The following SOBP variants were observed in gnomAD, a reference collection of about 807,000 sequenced individuals.
SOBP encodes sine oculis binding protein homolog, also known as sine oculis-binding protein homolog.
In SOBP, 4 loss-of-function variants were observed where a neutral mutation model predicts 53.6. The observed-to-expected ratio is 0.07, with a 90% CI of 0.04 to 0.17. SOBP has a LOEUF of 0.17. Among genes scored for constraint, SOBP ranks in the 10% least tolerant of loss-of-function variants. The pLI is 1.00. For missense variants in SOBP, 1,088 were observed against 1,204.7 expected (o/e 0.90, Z 1.43); for synonymous variants, 584 against 522.6 (o/e 1.12, Z -1.60).
Position 107,511,273 on chromosome 6 carries a change from A to G in SOBP, c.421+4846A>G, listed in dbSNP as rs528166909. The G allele has an allele frequency of 5.3e-5, 8 of 152,330 alleles. No individual in the cohort carries two copies. In the South Asian group the frequency reaches 1.0e-3, roughly 20 times the overall value. The allele number at this position is 152,330 out of a possible 1,614,324, so 9.4% of individuals were successfully genotyped here. On this transcript the variant is annotated intron_variant, in intron 3 of 6. Transcript: ENST00000317357. Reference sequence around the variant, plus strand: ...TGTATCAGAATAATAATGCCTGTTAATATACTACTTCCAGATACCCCAATG... The same window carrying G: ...TGTATCAGAATAATAATGCCTGTTAGTATACTACTTCCAGATACCCCAATG...
At chr6:107,564,655 G>A (rs1174512859) in intron 4 of SOBP, among the ~76,000 whole-genome samples, 2 of 150,018 alleles carry the variant, frequency 1.3e-5, no homozygotes, top group African/African-American at 2.5e-5. Context: ...AACTGTCTGG[G>A]GGCACAAACC....
intron 1 of SOBP, among the ~76,000 whole-genome samples, chr6:107,494,146 C>A (rs564841345): frequency 2.0e-5 from 3 of 152,268 alleles, no homozygotes; most frequent in East Asian, 1.9e-4. Context: ...AATGTACTTA[C>A]AATTAGTCTG....
intron 4 of SOBP, among the ~76,000 whole-genome samples, chr6:107,554,644 A>G (rs1348642635): frequency 6.6e-6 from 1 of 152,206 alleles, no homozygotes; most frequent in Non-Finnish European, 1.5e-5. Context: ...ACCAATCTGC[A>G]GAAGTCTAGA....
intron 5 of SOBP, among the ~76,000 whole-genome samples, chr6:107,618,770 G>C (rs1024314698): frequency 4.6e-5 from 7 of 152,176 alleles, no homozygotes; most frequent in African/African-American, 1.7e-4. Flanking sequence ...GCAGCTGTGT[G>C]ACCTAAAATG....
At chr6:107,636,112 GT>G (rs1771029597) in intron 6 of SOBP, 2 of 164,104 alleles carry the variant, frequency 1.2e-5, no homozygotes, top group Admixed American at 5.6e-5. Context: ...CCTTCCTGCA[GT>G]TTGGCACCAA....
intron 5 of SOBP, among the ~76,000 whole-genome samples, chr6:107,627,368 C>G (rs1231002061): frequency 6.6e-6 from 1 of 152,218 alleles, no homozygotes; most frequent in Admixed American, 6.5e-5. Context: ...CCAAGCCCAT[C>G]TCTGCTCTGC....
intron 6 of SOBP, among the ~76,000 whole-genome samples, chr6:107,649,133 C>T (rs918212871): frequency 1.6e-4 from 18 of 114,602 alleles, no homozygotes; most frequent in Non-Finnish European, 2.3e-4. Context: ...GCCTGGGTGA[C>T]AGAGCAAGAC....
intron 5 of SOBP, among the ~76,000 whole-genome samples, chr6:107,589,789 T>C (rs1464623383): frequency 6.6e-6 from 1 of 152,206 alleles, no homozygotes; most frequent in Non-Finnish European, 1.5e-5. Context: ...TATGTCACAA[T>C]TCAGTGTGGC....
intron 6 of SOBP, among the ~76,000 whole-genome samples, chr6:107,648,108 G>A (rs1246350097): frequency 6.6e-6 from 1 of 152,150 alleles, no homozygotes; most frequent in Non-Finnish European, 1.5e-5. Flanking sequence ...CCTAAAATCT[G>A]CCGTTGACCC....
chr6:107,608,647 A>T lies in SOBP; in HGVS notation c.669+21472A>T, dbSNP rs551012768. Among the ~76,000 whole-genome samples, 5 of 152,328 alleles carry T rather than the reference A, an allele frequency of 3.3e-5. No homozygotes were observed. The South Asian group carries it at 8.3e-4, about 25-fold the overall frequency. ...CAGTGACCTGGCTGTAGAAATCGAC[A>T]TCTCTTTTAAAATGAAAGTTTCAAT... On this transcript the variant is annotated intron_variant, in intron 5 of 6. Coordinates refer to ENST00000317357, the MANE Select transcript of SOBP (RefSeq NM_018013.4).
chr6:107,638,783 C>A (rs1771177772), intron 6 of SOBP, among the ~76,000 whole-genome samples: 1 of 152,078 alleles, frequency 6.6e-6, no homozygotes, highest in Admixed American at 6.5e-5. Flanking sequence ...TATATTATTT[C>A]TCATATATAT....
At chr6:107,589,886 A>G (rs1186100082) in intron 5 of SOBP, among the ~76,000 whole-genome samples, 1 of 152,244 alleles carries the variant, frequency 6.6e-6, no homozygotes, top group Non-Finnish European at 1.5e-5. Flanking sequence ...TTTTGCTGGC[A>G]TATCTAAGTT....
At chr6:107,598,043 A>G (rs1786010948) in intron 5 of SOBP, among the ~76,000 whole-genome samples, 1 of 152,188 alleles carries the variant, frequency 6.6e-6, no homozygotes, top group African/African-American at 2.4e-5. Context: ...ATCGACATGC[A>G]TTTATTAGGT....
chr6:107,529,187 G>C (rs1160880639), intron 3 of SOBP, among the ~76,000 whole-genome samples: 1 of 152,182 alleles, frequency 6.6e-6, no homozygotes, highest in African/African-American at 2.4e-5. Flanking sequence ...AAAGTGTTTG[G>C]AATTGAATTA....
chr6:107,585,159 G>T (rs530195894), intron 4 of SOBP, among the ~76,000 whole-genome samples: 2 of 152,106 alleles, frequency 1.3e-5, no homozygotes, highest in African/African-American at 2.4e-5. Context: ...TACTATCCAC[G>T]TATGGGTTTT....
At position 107,598,596 on chromosome 6, in the gene SOBP, T is replaced by C. The variant is rs555245951; in HGVS notation, c.669+11421T>C. On this transcript the variant is annotated intron_variant, in intron 5 of 6. Coordinates refer to ENST00000317357, the MANE Select transcript of SOBP (RefSeq NM_018013.4). The stretch of plus-strand genomic sequence containing the variant: ...ACAGCCAAACAGCTAATTTTACATT[T>C]GGTGTTTTGGCTATAGGAATCTCTG... Among the ~76,000 whole-genome samples, 57 of 152,172 alleles carry C rather than the reference T, an allele frequency of 3.7e-4. 1 individual carries two copies. Among genetic ancestry groups the C allele is most frequent in the Non-Finnish European group, 1.8e-4 (12 of 68,042 alleles).
Position 107,506,233 on chromosome 6 carries a change from C to T in SOBP, c.236-9C>T. ...TGGTCACATTGAATATGATTTTTTT[C>T]TTTTACAGAAAATTCTTTGCCAAAA... On this transcript the variant is annotated splice_polypyrimidine_tract_variant and intron_variant, in intron 2 of 6. Transcript: ENST00000317357. The T allele has an allele frequency of 7.4e-6, 12 of 1,612,838 alleles. No homozygotes were observed. The highest frequency in any genetic ancestry group is 9.3e-6 in the Non-Finnish European group (11 of 1,179,140).
chr6:107,534,592 T>C (rs1054921580), intron 4 of SOBP, among the ~76,000 whole-genome samples: 2 of 152,248 alleles, frequency 1.3e-5, no homozygotes, highest in African/African-American at 4.8e-5. Context: ...ATGCTAATTA[T>C]GGGCTCACTG....
intron 4 of SOBP, among the ~76,000 whole-genome samples, chr6:107,535,637 GTTTT>G (rs1196256220): frequency 7.4e-6 from 1 of 135,290 alleles, no homozygotes; most frequent in African/African-American, 2.7e-5. Context: ...GTGTGTGTGT[GTTTT>G]TTTTTTTTCC....
Sources: gnomAD v4.1 joint callset for allele counts (sites outside exome capture counted in the v4.1 genomes callset) on GRCh38, gnomAD v4.1.1 for gene constraint, MANE v1.5 for transcripts, NCBI Gene and HGNC (gene_info 2026-07-23, HGNC 2026-07-21) for gene names.